The following SLC44A3 variants were observed in gnomAD, a reference collection of about 807,000 sequenced individuals.
SLC44A3 encodes choline transporter-like protein 3.
Under a neutral mutation model 75.4 loss-of-function variants are expected in SLC44A3, and 74 were observed. The observed-to-expected ratio is 0.98, with a 90% confidence interval of 0.81 to 1.19. SLC44A3 has a LOEUF of 1.19. SLC44A3 is among the 50% of genes most tolerant of loss of function. The pLI is 0.00. For missense variants in SLC44A3, 700 were observed against 778.6 expected (o/e 0.90, Z 1.20); for synonymous variants, 310 against 296.9 (o/e 1.04, Z -0.45).
chr1:94,871,356 G>C (rs886230075), intron 12 of SLC44A3, among the ~76,000 whole-genome samples: 3 of 152,196 alleles, frequency 2.0e-5, no homozygotes, highest in Non-Finnish European at 4.4e-5. Context: ...CCTCAGGCAA[G>C]TTAGTGGTCA....
At chr1:94,845,949 C>A (rs1209755188) in intron 9 of SLC44A3, among the ~76,000 whole-genome samples, 2 of 152,102 alleles carry the variant, frequency 1.3e-5, no homozygotes, top group Non-Finnish European at 2.9e-5. Context: ...GAGTTTGAGA[C>A]CAGCCTGACC....
In SLC44A3 at chr1:94,839,982, C is replaced by A. The variant is rs1284166290; in HGVS notation, c.705C>A (p.Phe235Leu). Reference sequence around the variant, plus strand: ...TGGCCATGATGTTTACCTTCAGATTCATCACCACCCTTCTGGTTCACATTT... The same window carrying A: ...TGGCCATGATGTTTACCTTCAGATTAATCACCACCCTTCTGGTTCACATTT... The part of the protein sequence containing the change: ...LSLAMMFTFR[F>L]ITTLLVHIFI... The change falls in exon 7 of 15, where the codon TTC becomes TTA. Residue 235 changes from phenylalanine (F) to leucine (L), a missense_variant. Transcript: ENST00000271227. 1 of 1,614,136 alleles carries A rather than the reference C, an allele frequency of 6.2e-7. No individual in the cohort carries two copies. Among genetic ancestry groups the A allele is most frequent in the Non-Finnish European group, 8.5e-7 (1 of 1,179,998 alleles).
chr1:94,864,712 T>C (rs1359760388), intron 10 of SLC44A3, 31 bp from the exon 11 acceptor site: 1 of 1,596,888 alleles, frequency 6.3e-7, no homozygotes, highest in Non-Finnish European at 8.5e-7. Flanking sequence ...AAAAAGTGTT[T>C]TTAAAATGCT....
intron 12 of SLC44A3, among the ~76,000 whole-genome samples, chr1:94,872,578 A>C (rs966020875): frequency 1.3e-5 from 2 of 152,122 alleles, no homozygotes; most frequent in Non-Finnish European, 2.9e-5. Flanking sequence ...GGTAAAAATG[A>C]CTTCAGTCAG....
chr1:94,841,877 C>G, intron 7 of SLC44A3, 123 bp from the exon 8 acceptor site: 1 of 1,333,716 alleles, frequency 7.5e-7, no homozygotes, highest in Non-Finnish European at 1.0e-6. Context: ...ATTTGGGACC[C>G]ACTGCCAGAG....
At chr1:94,878,545 G>A (rs1228833951) in intron 12 of SLC44A3, among the ~76,000 whole-genome samples, 1 of 152,214 alleles carries the variant, frequency 6.6e-6, no homozygotes, top group Non-Finnish European at 1.5e-5. Context: ...TGGACCTGCT[G>A]TAACCACACT....
intron 12 of SLC44A3, chr1:94,889,194 A>G (rs974416226): frequency 1.3e-5 from 2 of 152,072 alleles, no homozygotes; most frequent in South Asian, 4.2e-4. Flanking sequence ...TACTTACTCT[A>G]TTAGGACCCG....
At chr1:94,855,471 G>C (rs903281187) in intron 9 of SLC44A3, 1 of 152,100 alleles carries the variant, frequency 6.6e-6, no homozygotes, top group Non-Finnish European at 1.5e-5. Context: ...ATTCTGTTTG[G>C]GAGGGGCCAC....
intron 5 of SLC44A3, among the ~76,000 whole-genome samples, chr1:94,832,650 G>A (rs1243990177): frequency 6.6e-6 from 1 of 152,120 alleles, no homozygotes; most frequent in Non-Finnish European, 1.5e-5. Context: ...ACTTTAAGTT[G>A]CAACAGACAC....
chr1:94,867,698 T>G (rs1344384570), intron 12 of SLC44A3, among the ~76,000 whole-genome samples: 4 of 147,134 alleles, frequency 2.7e-5, no homozygotes, highest in Admixed American at 6.9e-5. Context: ...TGTCAAGAAA[T>G]TTTCTTTTTT....
intron 4 of SLC44A3, among the ~76,000 whole-genome samples, chr1:94,827,958 G>A (rs1484582390): frequency 2.0e-5 from 3 of 152,120 alleles, no homozygotes; most frequent in African/African-American, 7.2e-5. Flanking sequence ...CAGAAGGAAG[G>A]CAGAGAGCTC....
chr1:94,874,908 TG>T (rs1668118518), intron 12 of SLC44A3, among the ~76,000 whole-genome samples: 1 of 152,168 alleles, frequency 6.6e-6, no homozygotes, highest in Non-Finnish European at 1.5e-5. Context: ...TCTGAATAAT[TG>T]TGAGATGTAA....
chr1:94,823,618 G>C (rs751009663), intron 2 of SLC44A3, among the ~76,000 whole-genome samples: 2 of 152,200 alleles, frequency 1.3e-5, no homozygotes, highest in Non-Finnish European at 2.9e-5. Flanking sequence ...AATAAATGCA[G>C]AATGTCTAGA....
At chr1:94,863,190 C>G (rs1349078053) in intron 10 of SLC44A3, among the ~76,000 whole-genome samples, 1 of 152,076 alleles carries the variant, frequency 6.6e-6, no homozygotes, top group Non-Finnish European at 1.5e-5. Context: ...ACGTGATAAC[C>G]CAGCTTCTGG....
rs542474651 is a variant in SLC44A3, at chr1:94,864,620, T to G, written c.1239-123T>G. 3.0e-6 allele frequency: 3 copies of G among 991,838 alleles called. No individual in the cohort carries two copies. The South Asian group carries it at 6.0e-5, about 20-fold the overall frequency. The allele number at this position is 991,838 out of a possible 1,614,324, so 61.4% of individuals were successfully genotyped here. On this transcript the variant is annotated intron_variant, in intron 10 of 14. Transcript: ENST00000271227. ...GAAGCTACCAAGGAGTATAAAAAGTTCGCCAAATGCTTATTATGTCACAAC... is the reference window on the plus strand; with the variant it reads ...GAAGCTACCAAGGAGTATAAAAAGTGCGCCAAATGCTTATTATGTCACAAC...
intron 12 of SLC44A3, among the ~76,000 whole-genome samples, chr1:94,884,121 C>T (rs373464938): frequency 2.0e-5 from 3 of 152,226 alleles, no homozygotes; most frequent in Middle Eastern, 3.2e-3. Flanking sequence ...CAAAATAGCA[C>T]GACCCTGTTC....
rs771752399 is a variant in SLC44A3 at position 94,825,945 on chromosome 1, G to A, written c.278+1310G>A. 2.6e-5 allele frequency: 12 copies of A among 456,056 alleles called. No homozygotes were observed. In the East Asian group the frequency reaches 6.2e-4, roughly 24 times the overall value. The allele number at this position is 456,056 out of a possible 1,614,324, so 28.3% of individuals were successfully genotyped here. A position where few individuals can be genotyped will look rare whatever the true frequency, so the allele number is the denominator to read the frequency against. ...ACAAACAGTCATTCCTGGTTGAAGT[G>A]AGTATACATTCCATTATTCTCAAAA... On this transcript the variant is annotated intron_variant, in intron 3 of 14. Coordinates refer to ENST00000271227, the MANE Select transcript of SLC44A3 (RefSeq NM_001114106.3).
intron 12 of SLC44A3, among the ~76,000 whole-genome samples, chr1:94,872,274 T>C (rs1667840200): frequency 6.6e-6 from 1 of 152,044 alleles, no homozygotes; most frequent in African/African-American, 2.4e-5. Flanking sequence ...GCTGATTTTG[T>C]ATTTTTAGTA....
At chr1:94,822,751 C>T (rs1660786378) in intron 2 of SLC44A3, among the ~76,000 whole-genome samples, 1 of 152,230 alleles carries the variant, frequency 6.6e-6, no homozygotes, top group Non-Finnish European at 1.5e-5. Context: ...CTTTTCCTAT[C>T]ATCCCTCAAG....
Sources: gnomAD v4.1 joint callset for allele counts (sites outside exome capture counted in the v4.1 genomes callset) on GRCh38, gnomAD v4.1.1 for gene constraint, MANE v1.5 for transcripts, NCBI Gene and HGNC (gene_info 2026-07-23, HGNC 2026-07-21) for gene names.